The following LHFPL3 variants were observed in gnomAD, a reference collection of about 807,000 sequenced individuals.
LHFPL3 encodes the protein LHFPL tetraspan subfamily member 3, also known as LHFPL tetraspan subfamily member 3 protein.
A neutral mutation model predicts 19.3 loss-of-function variants in LHFPL3; 5 were observed. That is an observed-to-expected ratio of 0.26 (90% CI 0.14 to 0.54). The LOEUF is 0.54. Among genes scored for constraint, LHFPL3 ranks in the 20% least tolerant of loss-of-function variants. The pLI is 0.94. For synonymous variants in LHFPL3, 133 were observed against 126.2 expected (o/e 1.05, Z -0.36); for missense variants, 249 against 307.4 (o/e 0.81, Z 1.42).
At chr7:104,329,377 C>A (rs1327904745) in intron 1 of LHFPL3, 153 bp downstream of exon 1, 7 of 1,028,010 alleles carry the variant, frequency 6.8e-6, no homozygotes, top group South Asian at 2.0e-5. Context: ...GGGAGCCCAG[C>A]GAGGCCGGAA....
At chr7:104,452,428 A>G (rs1219065207) in intron 1 of LHFPL3, among the ~76,000 whole-genome samples, 1 of 152,228 alleles carries the variant, frequency 6.6e-6, no homozygotes, top group African/African-American at 2.4e-5. Flanking sequence ...TCCTTAGGAT[A>G]CATTCCTAGA....
intron 1 of LHFPL3, among the ~76,000 whole-genome samples, chr7:104,406,733 A>G (rs1449614581): frequency 3.3e-5 from 5 of 152,216 alleles, no homozygotes; most frequent in Non-Finnish European, 7.3e-5. Context: ...ATTGACAGGG[A>G]AATGCAATGG....
chr7:104,651,639 A>G (rs1010563864), intron 1 of LHFPL3, among the ~76,000 whole-genome samples: 2 of 152,262 alleles, frequency 1.3e-5, no homozygotes, highest in South Asian at 4.1e-4. Context: ...CAATAGAAGT[A>G]GAAGTGACTT....
intron 1 of LHFPL3, among the ~76,000 whole-genome samples, chr7:104,475,433 T>C (rs186641253): frequency 1.3e-5 from 2 of 152,210 alleles, no homozygotes; most frequent in Admixed American, 1.3e-4. Flanking sequence ...AGTAGAAAGG[T>C]GGTTACCAGA....
chr7:104,624,545 T>G (rs1299242579), intron 1 of LHFPL3, among the ~76,000 whole-genome samples: 1 of 152,116 alleles, frequency 6.6e-6, no homozygotes, highest in Non-Finnish European at 1.5e-5. Context: ...AAGGACAAGG[T>G]CAGTGAGTGG....
intron 1 of LHFPL3, among the ~76,000 whole-genome samples, chr7:104,502,094 T>C (rs1793606820): frequency 6.6e-6 from 1 of 152,238 alleles, no homozygotes; most frequent in African/African-American, 2.4e-5. Flanking sequence ...ACATGAATCA[T>C]CTAACCTTTA....
chr7:104,521,312 A>G (rs1453771925), intron 1 of LHFPL3, among the ~76,000 whole-genome samples: 1 of 152,036 alleles, frequency 6.6e-6, no homozygotes, highest in Non-Finnish European at 1.5e-5. Context: ...GGTCTGAGAG[A>G]TAGTTTGTTA....
At chr7:104,880,280 C>A (rs2116680585) in intron 2 of LHFPL3, among the ~76,000 whole-genome samples, 1 of 151,856 alleles carries the variant, frequency 6.6e-6, no homozygotes, top group East Asian at 1.9e-4. Context: ...CTTCCCCCCT[C>A]CCTCTCTCAT....
At chr7:104,384,387 G>A (rs75798022) in intron 1 of LHFPL3, among the ~76,000 whole-genome samples, 4,619 of 152,206 alleles carry the variant, frequency 0.03, 239 homozygotes, top group African/African-American at 0.1. Flanking sequence ...GGGTGATAGA[G>A]GCAAGAAATG....
At chr7:104,569,694 C>T (rs1298939236) in intron 1 of LHFPL3, among the ~76,000 whole-genome samples, 1 of 152,084 alleles carries the variant, frequency 6.6e-6, no homozygotes, top group Non-Finnish European at 1.5e-5. Flanking sequence ...GCACAATGTT[C>T]AGTGGTGGCT....
chr7:104,469,782 A>G (rs1039208881), intron 1 of LHFPL3, among the ~76,000 whole-genome samples: 4 of 152,186 alleles, frequency 2.6e-5, no homozygotes, highest in Non-Finnish European at 5.9e-5. Context: ...ACTTGAATCC[A>G]TGTAGCATTA....
At chr7:104,686,145 G>T (rs1252436976) in intron 1 of LHFPL3, among the ~76,000 whole-genome samples, 3 of 152,180 alleles carry the variant, frequency 2.0e-5, no homozygotes, top group Non-Finnish European at 2.9e-5. Context: ...GGCACAAGTG[G>T]TCTGAAAAGA....
At chr7:104,598,699 A>T (rs1315292618) in intron 1 of LHFPL3, among the ~76,000 whole-genome samples, 1 of 152,186 alleles carries the variant, frequency 6.6e-6, no homozygotes, top group Non-Finnish European at 1.5e-5. Context: ...TACTCATAAC[A>T]ATGCTCTTGC....
At chr7:104,389,764 G>GA (rs1482934539) in intron 1 of LHFPL3, among the ~76,000 whole-genome samples, 1 of 152,024 alleles carries the variant, frequency 6.6e-6, no homozygotes, top group Non-Finnish European at 1.5e-5. Flanking sequence ...TATAGAGAAA[G>GA]AAAAAATAGT....
intron 1 of LHFPL3, among the ~76,000 whole-genome samples, chr7:104,506,268 C>G (rs191901351): frequency 6.6e-6 from 1 of 152,038 alleles, no homozygotes; most frequent in African/African-American, 2.4e-5. Context: ...ACCCCACCGC[C>G]GCAATACCTC....
At chr7:104,567,202 T>G (rs939203099) in intron 1 of LHFPL3, among the ~76,000 whole-genome samples, 10 of 152,388 alleles carry the variant, frequency 6.6e-5, no homozygotes, top group Middle Eastern at 3.4e-3. Context: ...CATATTTTTA[T>G]AAATTTCATT....
Position 104,875,508 on chromosome 7 carries a change from C to A in LHFPL3, c.683-30679C>A, listed in dbSNP as rs568234860. On this transcript the variant is annotated intron_variant, in intron 2 of 2. Transcript: ENST00000424859. ...GTGAATTACTCATAGTAAAATATTA[C>A]TTGACTGACGATAGTGTTACATTCC... 7.9e-5 allele frequency among the ~76,000 whole-genome samples: 12 copies of A among 152,314 alleles called. No homozygotes were observed. The South Asian group carries it at 1.5e-3, about 18-fold the overall frequency.
intron 1 of LHFPL3, among the ~76,000 whole-genome samples, chr7:104,428,437 T>C (rs1791889432): frequency 6.6e-6 from 1 of 152,212 alleles, no homozygotes; most frequent in South Asian, 2.1e-4. Context: ...GGAGCCGTTG[T>C]CTTTTCATAG....
intron 1 of LHFPL3, among the ~76,000 whole-genome samples, chr7:104,451,121 G>C (rs1242637911): frequency 6.6e-6 from 1 of 152,118 alleles, no homozygotes; most frequent in Admixed American, 6.5e-5. Context: ...AACTGAAAAT[G>C]GAACGGAAAC....
Sources: gnomAD v4.1 joint callset for allele counts (sites outside exome capture counted in the v4.1 genomes callset) on GRCh38, gnomAD v4.1.1 for gene constraint, MANE v1.5 for transcripts, NCBI Gene and HGNC (gene_info 2026-07-23, HGNC 2026-07-21) for gene names.